The following PTPRD variants were observed in gnomAD, a reference collection of about 807,000 sequenced individuals.
PTPRD encodes the protein receptor-type tyrosine-protein phosphatase delta.
Under a neutral mutation model 214.5 loss-of-function variants are expected in PTPRD, and 34 were observed. The observed-to-expected ratio is 0.16, with a 90% confidence interval of 0.12 to 0.21. The LOEUF is 0.21. Among genes scored for constraint, PTPRD ranks in the 10% least tolerant of loss-of-function variants. The pLI, the probability that PTPRD is intolerant of heterozygous loss-of-function variation, is 1.00. For missense variants in PTPRD, 2,545 were observed against 2,398.7 expected, an observed-to-expected ratio of 1.06 and a Z score of -1.27; for synonymous variants, 1,128 against 845.7, an observed-to-expected ratio of 1.33 and a Z score of -5.79.
intron 2 of PTPRD, among the ~76,000 whole-genome samples, chr9:10,467,053 A>G (rs767732378): frequency 6.6e-6 from 1 of 152,132 alleles, no homozygotes; most frequent in Non-Finnish European, 1.5e-5. Flanking sequence ...CCTTTATCCA[A>G]TCCACTCTGA....
chr9:10,540,029 T>A (rs2058736844), intron 2 of PTPRD, among the ~76,000 whole-genome samples: 2 of 152,290 alleles, frequency 1.3e-5, no homozygotes, highest in African/African-American at 4.8e-5. Context: ...TTTGTTGGTT[T>A]GTTTATTTAT....
chr9:10,449,564 G>T (rs112396194), intron 2 of PTPRD, among the ~76,000 whole-genome samples: 3,165 of 150,972 alleles, frequency 0.021, 112 homozygotes, highest in African/African-American at 0.066. Flanking sequence ...GAGCGTCTCT[G>T]CCCGGCCGCC....
intron 10 of PTPRD, among the ~76,000 whole-genome samples, chr9:9,055,248 T>C (rs2099694055): frequency 6.6e-6 from 1 of 152,160 alleles, no homozygotes; most frequent in Non-Finnish European, 1.5e-5. Context: ...ATGATGATTA[T>C]AGTTAACAAT....
intron 5 of PTPRD, among the ~76,000 whole-genome samples, chr9:9,878,811 T>A (rs1255202024): frequency 6.6e-6 from 1 of 152,190 alleles, no homozygotes; most frequent in Non-Finnish European, 1.5e-5. Context: ...TCACATGTAT[T>A]ATTAGAATTT....
At chr9:8,510,523 T>C (rs1471612330) in intron 21 of PTPRD, among the ~76,000 whole-genome samples, 2 of 152,166 alleles carry the variant, frequency 1.3e-5, no homozygotes, top group African/African-American at 4.8e-5. Flanking sequence ...TTCACAGAAG[T>C]TGATCATGAA....
chr9:9,910,345 G>C (rs2078840342), intron 5 of PTPRD, among the ~76,000 whole-genome samples: 1 of 151,864 alleles, frequency 6.6e-6, no homozygotes, highest in Non-Finnish European at 1.5e-5. Flanking sequence ...ATACATGTGT[G>C]CAATCTTTTA....
rs535115207 is a variant in PTPRD at position 8,316,808 on chromosome 9, C to G, written c.*1066G>C. ...TTCCTCATTTCCCTTTAAAGAAATA[C>G]CAATATGTCAAAAAATTAAGAATAA... On this transcript the variant is annotated 3_prime_UTR_variant, in exon 46 of 46. Transcript: ENST00000381196. 1 of 230,802 alleles carries G rather than the reference C, an allele frequency of 4.3e-6. No homozygotes were observed. The highest frequency in any genetic ancestry group is 6.1e-5 in the East Asian group (1 of 16,312). 14.3% of individuals were successfully genotyped at this position (230,802 alleles called of 1,614,324 possible).
At chr9:8,482,110 C>A (rs2096899666) in intron 30 of PTPRD, among the ~76,000 whole-genome samples, 1 of 152,108 alleles carries the variant, frequency 6.6e-6, no homozygotes, top group African/African-American at 2.4e-5. Context: ...TCTCTAAGCC[C>A]ACACTTCTAA....
chr9:10,500,702 A>T (rs910718591), intron 2 of PTPRD, among the ~76,000 whole-genome samples: 1 of 151,594 alleles, frequency 6.6e-6, no homozygotes, highest in Non-Finnish European at 1.5e-5. Context: ...CCCCTCCCCA[A>T]CTACCCTTCC....
At chr9:8,798,335 A>C (rs1276902001) in intron 11 of PTPRD, among the ~76,000 whole-genome samples, 1 of 152,142 alleles carries the variant, frequency 6.6e-6, no homozygotes, top group Non-Finnish European at 1.5e-5. Flanking sequence ...ATCACTTTAA[A>C]AATTTTTTAA....
At chr9:8,430,712 A>C (rs1590211446) in intron 35 of PTPRD, among the ~76,000 whole-genome samples, 1 of 152,246 alleles carries the variant, frequency 6.6e-6, no homozygotes, top group Non-Finnish European at 1.5e-5. Context: ...GCTGGTCTGT[A>C]GTCCACACTG....
chr9:9,312,529 T>C (rs902368070), intron 9 of PTPRD, among the ~76,000 whole-genome samples: 3 of 152,192 alleles, frequency 2.0e-5, no homozygotes, highest in Admixed American at 6.5e-5. Context: ...GTGGGTTTTC[T>C]CTGGATACTC....
intron 2 of PTPRD, among the ~76,000 whole-genome samples, chr9:10,417,402 C>G (rs192895938): frequency 5.0e-4 from 76 of 151,872 alleles, no homozygotes; most frequent in Non-Finnish European, 1.5e-4. Flanking sequence ...TGAAGAATAT[C>G]TTATCTTTGC....
chr9:10,368,670 C>T (rs79495825), intron 2 of PTPRD, among the ~76,000 whole-genome samples: 7,867 of 152,020 alleles, frequency 0.052, 278 homozygotes, highest in Non-Finnish European at 0.076. Context: ...ATTAATCTCA[C>T]TTATGGGAAG....
chr9:8,821,790 G>A (rs1023440801), intron 11 of PTPRD, among the ~76,000 whole-genome samples: 7 of 152,112 alleles, frequency 4.6e-5, no homozygotes, highest in African/African-American at 1.4e-4. Flanking sequence ...TCAGCCTCCC[G>A]AGTAGCTGGG....
At chr9:9,888,174 G>A (rs566051723) in intron 5 of PTPRD, among the ~76,000 whole-genome samples, 3 of 152,228 alleles carry the variant, frequency 2.0e-5, no homozygotes, top group Middle Eastern at 3.4e-3. Context: ...ATAGCAAATG[G>A]TGGAAAGTGT....
intron 3 of PTPRD, among the ~76,000 whole-genome samples, chr9:10,255,952 CAGA>C (rs768619513): frequency 4.1e-4 from 62 of 152,298 alleles, no homozygotes; most frequent in Non-Finnish European, 8.2e-4. Flanking sequence ...CCAGGTTGCA[CAGA>C]AGGAGGTGAG....
rs184458911 is a variant in PTPRD, at chr9:9,296,440, T to G, written c.-203+101009A>C. Reference sequence around the variant, plus strand: ...AAATTTGATTTTTTAAATAATTGAGTTGACCATATGTTCAAATATATGCAA... The same window carrying G: ...AAATTTGATTTTTTAAATAATTGAGGTGACCATATGTTCAAATATATGCAA... On this transcript the variant is annotated intron_variant, in intron 9 of 45. Coordinates refer to ENST00000381196, the MANE Select transcript of PTPRD (RefSeq NM_002839.4). 9.2e-5 allele frequency among the ~76,000 whole-genome samples: 14 copies of G among 151,906 alleles called. No individual in the cohort carries two copies. In the East Asian group the frequency reaches 2.7e-3, roughly 30 times the overall value.
intron 14 of PTPRD, among the ~76,000 whole-genome samples, chr9:8,593,214 G>A (rs185951737): frequency 3.9e-4 from 60 of 152,274 alleles, no homozygotes; most frequent in African/African-American, 1.3e-3. Flanking sequence ...TTGCTTGAGG[G>A]CGTTTATCTT....
Sources: gnomAD v4.1 joint callset for allele counts (sites outside exome capture counted in the v4.1 genomes callset) on GRCh38, gnomAD v4.1.1 for gene constraint, MANE v1.5 for transcripts, NCBI Gene and HGNC (gene_info 2026-07-23, HGNC 2026-07-21) for gene names.